Variants in CKAP5 observed in about 807,000 individuals in gnomAD.
CKAP5 encodes cytoskeleton associated protein 5.
CKAP5 carries 27 observed loss-of-function variants against 232.8 expected under a neutral mutation model. The observed-to-expected ratio is 0.12, with a 90% CI of 0.09 to 0.16. The LOEUF is 0.16. CKAP5 is among the 10% of genes least tolerant of loss of function. The probability of loss-of-function intolerance (pLI) is 1.00; values close to 1 mark genes in which losing one functional copy is unlikely to be tolerated. For synonymous variants in CKAP5, 785 were observed against 841.1 expected, an observed-to-expected ratio of 0.93 and a Z score of 1.16; for missense variants, 1,838 against 2,424.7, an observed-to-expected ratio of 0.76 and a Z score of 5.08.
At chr11:46,844,223 A>AG in intron 1 of CKAP5, among the ~76,000 whole-genome samples, 1 of 144,700 alleles carries the variant, frequency 6.9e-6, no homozygotes, top group Middle Eastern at 3.3e-3. Flanking sequence ...CTCTGTCTTA[A>AG]AAAAAAAAAA....
At chr11:46,810,935 TCAA>T (rs767254053) in intron 5 of CKAP5, 69 bp downstream of exon 5, 39 of 1,308,388 alleles carry the variant, frequency 3.0e-5, no homozygotes, top group Non-Finnish European at 3.9e-5. Flanking sequence ...GGACAGAATA[TCAA>T]CAACGATAGG....
intron 23 of CKAP5, among the ~76,000 whole-genome samples, chr11:46,776,978 G>A (rs2065296831): frequency 6.6e-6 from 1 of 151,976 alleles, no homozygotes; most frequent in African/African-American, 2.4e-5. Context: ...ATATCTTGCT[G>A]AACTACTAGA....
At chr11:46,775,878 C>T (rs1592449704) in intron 24 of CKAP5, among the ~76,000 whole-genome samples, 1 of 151,984 alleles carries the variant, frequency 6.6e-6, no homozygotes, top group African/African-American at 2.4e-5. Flanking sequence ...ATGAAGATGA[C>T]GGGTTGATGG....
At chr11:46,773,218 G>A (rs1480551151) in intron 24 of CKAP5, among the ~76,000 whole-genome samples, 5 of 150,846 alleles carry the variant, frequency 3.3e-5, no homozygotes, top group Non-Finnish European at 7.4e-5. Flanking sequence ...TTATTCTGTT[G>A]TTATGATTAC....
chr11:46,829,837 TATG>T lies in CKAP5; in HGVS notation c.-37-8572_-37-8570del, dbSNP rs768839360. On this transcript the variant is annotated intron_variant, in intron 1 of 43. Coordinates refer to ENST00000529230, the MANE Select transcript of CKAP5 (RefSeq NM_001008938.4). ...TATATGAAGTCTAATTCCTTTTTTG[TATG>T]TGTGTGTGTGTGTGTGTGTGTGTGT... Among the ~76,000 whole-genome samples the T allele has an allele frequency of 6.7e-3, 564 of 84,726 alleles. 2 individuals carry two copies. The highest frequency in any genetic ancestry group is 9.7e-3 in the Non-Finnish European group (346 of 35,718). 55.6% of individuals were successfully genotyped at this position (84,726 alleles called of 152,430 possible).
chr11:46,755,167 A>G, intron 35 of CKAP5, 100 bp from the exon 36 acceptor site: 3 of 769,816 alleles, frequency 3.9e-6, no homozygotes, highest in Non-Finnish European at 5.9e-6. Flanking sequence ...TTATTAGCAA[A>G]GTACTTCTAA....
chr11:46,778,603 T>C lies in CKAP5; in HGVS notation c.2434-4A>G. The C allele has an allele frequency of 6.2e-7, 1 of 1,613,034 alleles. No homozygotes were observed. The highest frequency in any genetic ancestry group is 1.3e-5 in the African/African-American group (1 of 75,016). On this transcript the variant is annotated splice_polypyrimidine_tract_variant and splice_region_variant and intron_variant, in intron 20 of 43. Transcript: ENST00000529230. ...CAGGTGGACTTTGTCCCTGCATCTA[T>C]ACACAAATGAATGAGTAAGGCTAAT...
intron 3 of CKAP5, among the ~76,000 whole-genome samples, chr11:46,816,722 T>C (rs746062106): frequency 5.1e-4 from 77 of 151,990 alleles, no homozygotes; most frequent in Non-Finnish European, 8.5e-4. Context: ...TTTCTCTAAG[T>C]GTGTGTGTAT....
intron 1 of CKAP5, among the ~76,000 whole-genome samples, chr11:46,832,617 C>T (rs1163624629): frequency 6.6e-6 from 1 of 152,186 alleles, no homozygotes; most frequent in Non-Finnish European, 1.5e-5. Context: ...GTATTATGTG[C>T]CAGGCACTAT....
chr11:46,824,553 T>C (rs528391635), intron 1 of CKAP5, among the ~76,000 whole-genome samples: 1 of 152,290 alleles, frequency 6.6e-6, no homozygotes, highest in Admixed American at 6.5e-5. Context: ...CTTTTCAAAC[T>C]CAGGACCAGT....
At position 46,759,397 on chromosome 11, in the gene CKAP5, G is replaced by C. The variant is rs773502334; in HGVS notation, c.4440C>G (p.Val1480=). 8.7e-6 allele frequency: 14 copies of C among 1,614,082 alleles called. No homozygotes were observed. The South Asian group carries it at 9.9e-5, about 11-fold the overall frequency. The change falls in exon 34 of 44, where the codon GTC becomes GTG. Residue 1480 remains valine, a synonymous_variant. Transcript: ENST00000529230. ...MSGHPEAAQM[V]RREFQLDLDE... ...CTAGATCCAGCTGGAATTCTCGGCG[G>C]ACCATCTGGGCTGCCTCAGGATGCC...
At position 46,743,988 on chromosome 11, in the gene CKAP5, C is replaced by G. The variant is rs1221489752; in HGVS notation, c.*35G>C. 6.2e-7 allele frequency: 1 copy of G among 1,611,628 alleles called. No homozygotes were observed. Among genetic ancestry groups the G allele is most frequent in the South Asian group, 1.1e-5 (1 of 90,924 alleles). On this transcript the variant is annotated 3_prime_UTR_variant, in exon 44 of 44. Coordinates refer to ENST00000529230, the MANE Select transcript of CKAP5 (RefSeq NM_001008938.4). ...CTATGAGGACTTCTAGTTTAGTAAA[C>G]TAAAGCTGCAGGGTGCCGGGGGAGT...
At chr11:46,778,057 G>T in intron 22 of CKAP5, 82 bp downstream of exon 22, 2 of 1,114,458 alleles carry the variant, frequency 1.8e-6, no homozygotes, top group Non-Finnish European at 2.5e-6. Context: ...CTTATTTTTT[G>T]CAAGTGAAGG....
intron 1 of CKAP5, among the ~76,000 whole-genome samples, chr11:46,825,004 T>TA (rs1458527849): frequency 6.6e-6 from 1 of 152,204 alleles, no homozygotes; most frequent in East Asian, 1.9e-4. Flanking sequence ...GTAGGTCAGC[T>TA]AAAGTAAGTA....
In CKAP5 at chr11:46,818,334, A is replaced by G. The variant is rs780967172; in HGVS notation, c.227T>C (p.Val76Ala). ...CTTTCCTGCTACATGGGCATTTTCAACATAAACAAGTGCAGCTTCTAATCC... is the reference window on the plus strand; with the variant it reads ...CTTTCCTGCTACATGGGCATTTTCAGCATAAACAAGTGCAGCTTCTAATCC... Reference protein sequence around the residue: ...LKGLEAALVYVENAHVAGKTT... With the variant: ...LKGLEAALVYAENAHVAGKTT... The change falls in exon 3 of 44, where the codon GTT becomes GCT. Residue 76 changes from valine to alanine, a missense_variant. Val to Ala is a moderately conservative substitution (Grantham distance 64, BLOSUM62 0). Coordinates refer to ENST00000529230, the MANE Select transcript of CKAP5 (RefSeq NM_001008938.4). The G allele has an allele frequency of 3.1e-6, 5 of 1,594,782 alleles. No individual in the cohort carries two copies. The highest frequency in any genetic ancestry group is 3.7e-5 in the Admixed American group (2 of 54,670).
chr11:46,760,656 G>A lies in CKAP5; in HGVS notation c.4350C>T (p.Asn1450=). 6.2e-7 allele frequency: 1 copy of A among 1,614,184 alleles called. No individual in the cohort carries two copies. The highest frequency in any genetic ancestry group is 8.5e-7 in the Non-Finnish European group (1 of 1,180,032). ...CCTCAGCTGGTCCCTTGCGTAACAT[G>A]TTGGCATTGGAGCTTATGTTCTGTG... The part of the protein sequence containing the change: ...QRAQNISSNA[N]MLRKGPAEDM... Residue 1450 remains asparagine, a synonymous_variant, in exon 33 of 44, where the codon AAC becomes AAT. Transcript: ENST00000529230.
intron 8 of CKAP5, among the ~76,000 whole-genome samples, chr11:46,807,588 T>C (rs1001897181): frequency 5.9e-5 from 9 of 152,248 alleles, no homozygotes; most frequent in Non-Finnish European, 8.8e-5. Flanking sequence ...AAAATGTTTA[T>C]CTCTTACTTA....
chr11:46,816,168 C>A, intron 4 of CKAP5, 30 bp downstream of exon 4: 1 of 1,580,752 alleles, frequency 6.3e-7, no homozygotes, highest in South Asian at 1.1e-5. Flanking sequence ...GACTGCTGCT[C>A]TAGTTAACAA....
intron 1 of CKAP5, among the ~76,000 whole-genome samples, chr11:46,843,695 A>T (rs891123193): frequency 3.4e-5 from 5 of 148,608 alleles, no homozygotes; most frequent in African/African-American, 1.2e-4. Flanking sequence ...GCAGCACTGC[A>T]CTCCAGCCAG....
Sources: allele counts gnomAD v4.1 joint callset (sites outside exome capture counted in the v4.1 genomes callset), GRCh38; gene constraint gnomAD v4.1.1; transcripts MANE v1.5; gene names NCBI Gene and HGNC (gene_info 2026-07-23, HGNC 2026-07-21).